The following CNTNAP2 variants were observed in gnomAD, a reference collection of about 807,000 sequenced individuals.
The protein encoded by CNTNAP2 is contactin-associated protein-like 2.
Under a neutral mutation model 155.2 loss-of-function variants are expected in CNTNAP2, and 98 were observed. The observed-to-expected ratio is 0.63, with a 90% CI of 0.54 to 0.75. CNTNAP2 has a LOEUF of 0.75. Among genes scored for constraint, CNTNAP2 ranks in the 30% least tolerant of loss-of-function variants. The probability of loss-of-function intolerance (pLI) is 0.00; values close to 1 mark genes in which losing one functional copy is unlikely to be tolerated. For synonymous variants in CNTNAP2, 651 were observed against 631.2 expected (o/e 1.03, Z -0.47); for missense variants, 1,727 against 1,688.1 (o/e 1.02, Z -0.40).
chr7:147,222,283 T>C (rs569068276), intron 8 of CNTNAP2, among the ~76,000 whole-genome samples: 1 of 152,254 alleles, frequency 6.6e-6, no homozygotes, highest in African/African-American at 2.4e-5. Context: ...TCAGTTTTTA[T>C]TCTTTATGCT....
chr7:146,312,485 A>G (rs1800841656), intron 1 of CNTNAP2, among the ~76,000 whole-genome samples: 2 of 152,194 alleles, frequency 1.3e-5, no homozygotes, highest in Admixed American at 1.3e-4. Flanking sequence ...TATCTGTACA[A>G]TGTGACATTT....
chr7:146,142,064 C>A (rs187484709), intron 1 of CNTNAP2, among the ~76,000 whole-genome samples: 2 of 152,100 alleles, frequency 1.3e-5, no homozygotes, highest in Non-Finnish European at 2.9e-5. Context: ...TTGTTATTAA[C>A]CCACATCTCA....
intron 3 of CNTNAP2, among the ~76,000 whole-genome samples, chr7:146,911,496 A>G (rs200633777): frequency 5.9e-5 from 9 of 152,116 alleles, no homozygotes; most frequent in South Asian, 2.1e-4. Context: ...ATGAGTTCAT[A>G]TCCTTTGTAG....
intron 1 of CNTNAP2, among the ~76,000 whole-genome samples, chr7:146,392,079 A>G (rs1795552999): frequency 6.6e-6 from 1 of 152,188 alleles, no homozygotes; most frequent in Non-Finnish European, 1.5e-5. Flanking sequence ...TTACATGATA[A>G]TGGTTAAATG....
chr7:148,317,597 T>C (rs931250936), intron 21 of CNTNAP2, among the ~76,000 whole-genome samples: 3 of 152,116 alleles, frequency 2.0e-5, no homozygotes, highest in African/African-American at 7.2e-5. Flanking sequence ...CTGTTACTGA[T>C]CTTAGTATCA....
chr7:147,532,357 C>T (rs1191715222), intron 11 of CNTNAP2, among the ~76,000 whole-genome samples: 1 of 152,184 alleles, frequency 6.6e-6, no homozygotes, highest in Non-Finnish European at 1.5e-5. Flanking sequence ...TGATCCTGTT[C>T]CCAATAATTT....
intron 13 of CNTNAP2, among the ~76,000 whole-genome samples, chr7:147,801,668 G>C (rs1043514602): frequency 1.3e-5 from 2 of 152,156 alleles, no homozygotes; most frequent in Non-Finnish European, 2.9e-5. Context: ...AGGATCCCAA[G>C]ACAGAAGAAT....
At chr7:146,303,888 T>C (rs983519986) in intron 1 of CNTNAP2, among the ~76,000 whole-genome samples, 14 of 152,072 alleles carry the variant, frequency 9.2e-5, no homozygotes, top group Non-Finnish European at 1.8e-4. Context: ...CCCATTATTA[T>C]TGTGTGAGAG....
intron 12 of CNTNAP2, among the ~76,000 whole-genome samples, chr7:147,604,766 G>C (rs1446952207): frequency 6.6e-6 from 1 of 152,164 alleles, no homozygotes; most frequent in Non-Finnish European, 1.5e-5. Context: ...TGTGTACTTG[G>C]AATGCACCTG....
chr7:147,418,644 T>C (rs969990924), intron 10 of CNTNAP2, among the ~76,000 whole-genome samples: 3 of 152,228 alleles, frequency 2.0e-5, no homozygotes, highest in Admixed American at 6.5e-5. Flanking sequence ...ACTTATATTA[T>C]AGCATGTTGC....
In CNTNAP2 at chr7:148,237,303, G is replaced by T. The variant is rs115711554; in HGVS notation, c.3381+7524G>T. 2.8e-3 allele frequency among the ~76,000 whole-genome samples: 425 copies of T among 152,284 alleles called. 2 individuals carry two copies. Among genetic ancestry groups the T allele is most frequent in the African/African-American group, 9.6e-3 (401 of 41,556 alleles). ...ATCGTAAGCAATATATAAATAGGCTGATAAAAAAGGTGTTTGTACTAATGT... is the reference window on the plus strand; with the variant it reads ...ATCGTAAGCAATATATAAATAGGCTTATAAAAAAGGTGTTTGTACTAATGT... On this transcript the variant is annotated intron_variant, in intron 20 of 23. Coordinates refer to ENST00000361727, the MANE Select transcript of CNTNAP2 (RefSeq NM_014141.6).
chr7:147,973,623 C>A (rs575896713), intron 14 of CNTNAP2, among the ~76,000 whole-genome samples: 1 of 152,262 alleles, frequency 6.6e-6, no homozygotes, highest in East Asian at 1.9e-4. Flanking sequence ...TTATGACTTA[C>A]AAGTAACCTC....
intron 10 of CNTNAP2, among the ~76,000 whole-genome samples, chr7:147,428,007 CAT>C (rs756883825): frequency 2.0e-5 from 3 of 152,094 alleles, no homozygotes; most frequent in Non-Finnish European, 4.4e-5. Flanking sequence ...AAAATAGTAA[CAT>C]TATCTTTCAA....
Position 148,346,773 on chromosome 7 carries a change from TAAAA to T in CNTNAP2, c.3476-36854_3476-36851del, listed in dbSNP as rs71188973. Among the ~76,000 whole-genome samples the T allele has an allele frequency of 8.2e-3, 1,208 of 147,026 alleles. 16 individuals are homozygous for T. Among genetic ancestry groups the T allele is most frequent in the African/African-American group, 0.029 (1,150 of 39,362 alleles). ...GGCAACAAGAGTGAAACTCCATCTT[TAAAA>T]AAAAAAAAAAAAAAAAAAAAATTAA... is the stretch of plus-strand genomic sequence containing the variant. On this transcript the variant is annotated intron_variant, in intron 21 of 23. Coordinates refer to ENST00000361727, the MANE Select transcript of CNTNAP2 (RefSeq NM_014141.6).
chr7:147,351,203 A>G (rs1795962993), intron 9 of CNTNAP2, among the ~76,000 whole-genome samples: 1 of 151,944 alleles, frequency 6.6e-6, no homozygotes, highest in African/African-American at 2.4e-5. Flanking sequence ...TTAAGCCCTG[A>G]TATATACTAA....
rs1563214764 is a variant in CNTNAP2, at chr7:148,147,677, C to A, written c.2741C>A (p.Thr914Asn). 6.2e-7 allele frequency: 1 copy of A among 1,613,948 alleles called. No homozygotes were observed. Among genetic ancestry groups the A allele is most frequent in the African/African-American group, 1.3e-5 (1 of 74,984 alleles). ...QIRKAPTEGH[T>N]RLELYSQLFV... ...CGCAAGGCCCCAACAGAAGGCCACA[C>A]CCGCCTGGAGCTCTACAGCCAGTTA... Residue 914 changes from threonine to asparagine, a missense_variant, in exon 17 of 24, where the codon ACC becomes AAC. Thr to Asn is a moderately conservative substitution (Grantham distance 65, BLOSUM62 0). Coordinates refer to ENST00000361727, the MANE Select transcript of CNTNAP2 (RefSeq NM_014141.6).
intron 8 of CNTNAP2, among the ~76,000 whole-genome samples, chr7:147,277,980 G>T (rs578048036): frequency 1.3e-5 from 2 of 151,538 alleles, no homozygotes; most frequent in Non-Finnish European, 3.0e-5. Context: ...CATGCAAATT[G>T]CTCTTGCTGA....
At chr7:148,227,210 A>G (rs1795868976) in intron 19 of CNTNAP2, among the ~76,000 whole-genome samples, 1 of 152,150 alleles carries the variant, frequency 6.6e-6, no homozygotes. Flanking sequence ...TTCTGTGCCG[A>G]GTGAAGATGA....
intron 8 of CNTNAP2, among the ~76,000 whole-genome samples, chr7:147,198,737 A>G (rs1013983030): frequency 2.0e-5 from 3 of 152,158 alleles, no homozygotes; most frequent in Non-Finnish European, 2.9e-5. Context: ...TGTCATATGA[A>G]TAATGAACCT....
Sources: allele counts gnomAD v4.1 joint callset (sites outside exome capture counted in the v4.1 genomes callset), GRCh38; gene constraint gnomAD v4.1.1; transcripts MANE v1.5; gene names NCBI Gene and HGNC (gene_info 2026-07-23, HGNC 2026-07-21).